SEL1L2: variants seen among roughly 807,000 people sequenced by gnomAD.
SEL1L2 encodes the protein SEL1L2 adaptor subunit of SYVN1 ubiquitin ligase.
Under a neutral mutation model 98.8 loss-of-function variants are expected in SEL1L2, and 89 were observed. The observed-to-expected ratio is 0.90, with a 90% CI of 0.76 to 1.07. SEL1L2 has a LOEUF of 1.07. Ranked by LOEUF, SEL1L2 falls within the 50% of genes least tolerant of loss-of-function variation. The pLI, the probability that SEL1L2 is intolerant of heterozygous loss-of-function variation, is 0.00. For synonymous variants in SEL1L2, 262 were observed against 278.5 expected, an observed-to-expected ratio of 0.94 and a Z score of 0.59; for missense variants, 788 against 812.0, an observed-to-expected ratio of 0.97 and a Z score of 0.36.
intron 5 of SEL1L2, among the ~76,000 whole-genome samples, chr20:13,899,035 C>T (rs748721542): frequency 6.6e-6 from 1 of 152,144 alleles, no homozygotes; most frequent in Non-Finnish European, 1.5e-5. Flanking sequence ...AGCCACTGTG[C>T]GCAGCCTGTT....
intron 18 of SEL1L2, among the ~76,000 whole-genome samples, chr20:13,853,420 C>T (rs1399603242): frequency 3.3e-5 from 5 of 151,766 alleles, no homozygotes; most frequent in Non-Finnish European, 5.9e-5. Flanking sequence ...CACCATGATG[C>T]CCAGGCTAGT....
intron 4 of SEL1L2, chr20:13,915,027 T>G: frequency 9.2e-7 from 1 of 1,084,664 alleles, no homozygotes. Flanking sequence ...CAGAAAGCGT[T>G]AACTTCTACC....
chr20:13,890,814 G>C (rs985695798), intron 5 of SEL1L2, among the ~76,000 whole-genome samples: 3 of 151,944 alleles, frequency 2.0e-5, no homozygotes, highest in Admixed American at 2.0e-4. Context: ...TATCAACAAA[G>C]AGAAACTATT....
chr20:13,953,603 C>T (rs2148434911), intron 2 of SEL1L2, among the ~76,000 whole-genome samples: 1 of 152,234 alleles, frequency 6.6e-6, no homozygotes, highest in Admixed American at 6.5e-5. Flanking sequence ...TTGGGAAGTT[C>T]CTGCCATTTG....
At chr20:13,949,483 T>G (rs1281866799) in intron 2 of SEL1L2, among the ~76,000 whole-genome samples, 2 of 152,080 alleles carry the variant, frequency 1.3e-5, no homozygotes, top group African/African-American at 2.4e-5. Flanking sequence ...GCTAACACTG[T>G]GAAACCCCAT....
chr20:13,880,526 A>T (rs1401375886), intron 10 of SEL1L2, among the ~76,000 whole-genome samples: 2 of 152,008 alleles, frequency 1.3e-5, no homozygotes, highest in African/African-American at 4.8e-5. Context: ...TGAAACTACC[A>T]CCAAGCAAGC....
intron 1 of SEL1L2, among the ~76,000 whole-genome samples, chr20:13,987,063 C>A (rs1313082921): frequency 6.6e-6 from 1 of 152,082 alleles, no homozygotes; most frequent in Non-Finnish European, 1.5e-5. Context: ...CATCTCTTGA[C>A]CTCGTGATCT....
chr20:13,884,817 C>A (rs1369199603), intron 10 of SEL1L2, among the ~76,000 whole-genome samples: 3 of 152,078 alleles, frequency 2.0e-5, no homozygotes, highest in Non-Finnish European at 4.4e-5. Context: ...GGTTAATTAA[C>A]CTTTTAACCT....
intron 2 of SEL1L2, among the ~76,000 whole-genome samples, chr20:13,935,688 T>C (rs750198150): frequency 2.1e-4 from 32 of 152,050 alleles, no homozygotes; most frequent in Non-Finnish European, 4.1e-4. Context: ...GGTTCAGGAT[T>C]GGGAGTTGTG....
chr20:13,935,693 G>A (rs1200117864), intron 2 of SEL1L2, among the ~76,000 whole-genome samples: 1 of 152,198 alleles, frequency 6.6e-6, no homozygotes, highest in Non-Finnish European at 1.5e-5. Flanking sequence ...AGGATTGGGA[G>A]TTGTGTTCTG....
rs551422939 is a variant in SEL1L2, at chr20:13,977,147, A to G, written c.58+13330T>C. On this transcript the variant is annotated intron_variant, in intron 1 of 19. Coordinates refer to ENST00000284951, the MANE Select transcript of SEL1L2 (RefSeq NM_025229.2). The stretch of plus-strand genomic sequence containing the variant: ...TCTGCATACATTGTTCATGATCATC[A>G]TGTAGCTGGATATGCTGGTCTAGAG... Among the ~76,000 whole-genome samples the G allele has an allele frequency of 5.6e-4, 86 of 152,314 alleles. No homozygotes were observed. In the Middle Eastern group the frequency reaches 0.01, roughly 18 times the overall value.
intron 1 of SEL1L2, among the ~76,000 whole-genome samples, chr20:13,958,922 CA>C (rs34641853): frequency 0.049 from 5,731 of 116,676 alleles, 133 homozygotes; most frequent in Non-Finnish European, 0.07. Flanking sequence ...GACTCTGTCT[CA>C]AAAAAAAAAA....
chr20:13,924,432 T>G (rs1460955029), intron 3 of SEL1L2, among the ~76,000 whole-genome samples: 1 of 149,076 alleles, frequency 6.7e-6, no homozygotes, highest in Admixed American at 6.7e-5. Flanking sequence ...TTCTTTTTCT[T>G]TTTTTTTTTA....
At chr20:13,940,446 G>A (rs372921993) in intron 2 of SEL1L2, among the ~76,000 whole-genome samples, 20 of 152,132 alleles carry the variant, frequency 1.3e-4, no homozygotes, top group African/African-American at 4.1e-4. Flanking sequence ...TGTGAGCCAA[G>A]GAAAAAATTA....
At chr20:13,873,056 T>A (rs993584927) in intron 12 of SEL1L2, among the ~76,000 whole-genome samples, 3 of 151,598 alleles carry the variant, frequency 2.0e-5, no homozygotes, top group African/African-American at 7.3e-5. Context: ...TGTGGAGTGA[T>A]CTCAGCTCAC....
chr20:13,957,095 AATTT>A (rs1038005068), intron 1 of SEL1L2, among the ~76,000 whole-genome samples: 3 of 151,740 alleles, frequency 2.0e-5, no homozygotes, highest in African/African-American at 7.3e-5. Context: ...TTAATTAATT[AATTT>A]ATTTCTACTT....
chr20:13,904,354 C>T (rs1010732150), intron 5 of SEL1L2, among the ~76,000 whole-genome samples: 1 of 152,090 alleles, frequency 6.6e-6, no homozygotes, highest in Non-Finnish European at 1.5e-5. Flanking sequence ...CGTGGTGAAA[C>T]CCTGTCTCTA....
Position 13,866,846 on chromosome 20 carries a change from G to A in SEL1L2, c.1260C>T (p.Gly420=), listed in dbSNP as rs1991125010. The A allele has an allele frequency of 1.2e-6, 2 of 1,601,060 alleles. No homozygotes were observed. The highest frequency in any genetic ancestry group is 2.7e-5 in the African/African-American group (2 of 74,202). ...GTTTATAATCCTTCCATATTCCAGA[G>A]CCAGCTGAAAATTAAAATTGTTTTG... ...QFQLGFMYYS[G]SGIWKDYKLA... The change falls in exon 15 of 20, where the codon GGC becomes GGT. Residue 420 remains glycine (G), a synonymous_variant. Transcript: ENST00000284951.
At chr20:13,874,181 C>T (rs243916) in intron 12 of SEL1L2, among the ~76,000 whole-genome samples, 24,704 of 152,078 alleles carry the variant, frequency 0.16, 2,172 homozygotes, top group African/African-American at 0.23. Context: ...ATGGGCACAA[C>T]GTCACATACA....
Sources: gnomAD v4.1 joint callset for allele counts (sites outside exome capture counted in the v4.1 genomes callset) on GRCh38, gnomAD v4.1.1 for gene constraint, MANE v1.5 for transcripts, NCBI Gene and HGNC (gene_info 2026-07-23, HGNC 2026-07-21) for gene names.